Variants in WDR72 observed in about 807,000 individuals in gnomAD.
WDR72 encodes WD repeat domain 72.
In WDR72, 120 loss-of-function variants were observed where a neutral mutation model predicts 124.2. The observed-to-expected ratio is 0.97, with a 90% CI of 0.83 to 1.12. The LOEUF (loss-of-function observed/expected upper bound fraction) is 1.12, where lower values mean the gene tolerates loss of function less well. Among genes scored for constraint, WDR72 ranks in the 50% most tolerant of loss-of-function variants. The pLI is 0.00. For missense variants in WDR72, 1,387 were observed against 1,278.8 expected (o/e 1.08, Z -1.29); for synonymous variants, 452 against 441.7 (o/e 1.02, Z -0.29).
chr15:53,560,210 T>A (rs540490985), intron 18 of WDR72, among the ~76,000 whole-genome samples: 2 of 151,914 alleles, frequency 1.3e-5, no homozygotes, highest in Admixed American at 1.3e-4. Flanking sequence ...TCAAGGTCTT[T>A]CATGGTGCTC....
At position 53,703,173 on chromosome 15, in the gene WDR72, C is replaced by T. The variant is rs552635480; in HGVS notation, c.1349-819G>A. Among the ~76,000 whole-genome samples, 3 of 152,296 alleles carry T rather than the reference C, an allele frequency of 2.0e-5. No homozygotes were observed. The East Asian group carries it at 5.8e-4, about 30-fold the overall frequency. On this transcript the variant is annotated intron_variant, in intron 11 of 19. Coordinates refer to ENST00000360509, the MANE Select transcript of WDR72 (RefSeq NM_182758.4). The stretch of plus-strand genomic sequence containing the variant: ...AAGGGATCCACTTGCCTCAGCCTTC[C>T]AAAGTGCTGGGATTACAGGCGGTAG...
At chr15:53,665,207 T>C (rs181424739) in intron 14 of WDR72, among the ~76,000 whole-genome samples, 2 of 148,290 alleles carry the variant, frequency 1.3e-5, no homozygotes, top group East Asian at 4.5e-4. Flanking sequence ...GATTTTTTTT[T>C]TGTTTATTTT....
intron 18 of WDR72, among the ~76,000 whole-genome samples, chr15:53,526,257 G>A (rs1015540435): frequency 2.0e-5 from 3 of 151,994 alleles, no homozygotes; most frequent in African/African-American, 7.2e-5. Flanking sequence ...AGAGGGACAT[G>A]GTTTTTAGTA....
upstream of WDR72, chr15:53,759,731 C>CCCGCCTCGCCCCGCCCCGA (rs2019021722): frequency 6.6e-6 from 1 of 151,288 alleles, no homozygotes; most frequent in African/African-American, 2.4e-5. Context: ...CCCCGCCCCG[C>CCCGCCTCGCCCCGCCCCGA]CCCGCCCCGG....
At chr15:53,729,234 C>T (rs1430057921) in intron 2 of WDR72, among the ~76,000 whole-genome samples, 1 of 152,100 alleles carries the variant, frequency 6.6e-6, no homozygotes, top group Non-Finnish European at 1.5e-5. Context: ...TCTTCATCCT[C>T]ACTGCCATTC....
At chr15:53,694,381 G>A (rs774743653) in intron 13 of WDR72, among the ~76,000 whole-genome samples, 1 of 152,074 alleles carries the variant, frequency 6.6e-6, no homozygotes, top group Non-Finnish European at 1.5e-5. Flanking sequence ...TGCCAGCCAC[G>A]AACAGCCTCC....
At chr15:53,758,771 G>GGGC (rs1555432027) in intron 1 of WDR72, among the ~76,000 whole-genome samples, 1 of 55,926 alleles carries the variant, frequency 1.8e-5, no homozygotes, top group East Asian at 1.2e-3. Flanking sequence ...AAAACTGCGG[G>GGGC]GGGGGGGGGG....
At chr15:53,616,588 T>G (rs563086650) in intron 14 of WDR72, among the ~76,000 whole-genome samples, 1 of 152,048 alleles carries the variant, frequency 6.6e-6, no homozygotes, top group Admixed American at 6.6e-5. Flanking sequence ...ACAAGGTAGG[T>G]TTGAAAACTG....
intron 18 of WDR72, among the ~76,000 whole-genome samples, chr15:53,592,916 G>C (rs2012578476): frequency 6.6e-6 from 1 of 152,114 alleles, no homozygotes; most frequent in African/African-American, 2.4e-5. Context: ...AGATAGCAAA[G>C]TAATCATTAT....
chr15:53,628,847 G>A (rs771697573), intron 14 of WDR72, among the ~76,000 whole-genome samples: 7 of 151,588 alleles, frequency 4.6e-5, no homozygotes, highest in Non-Finnish European at 1.0e-4. Context: ...GTTTAGCTAA[G>A]CTCAAAAACA....
intron 18 of WDR72, among the ~76,000 whole-genome samples, chr15:53,549,125 T>C (rs1223384127): frequency 1.3e-5 from 2 of 152,218 alleles, no homozygotes; most frequent in Non-Finnish European, 2.9e-5. Flanking sequence ...ATAGGCATAT[T>C]TGGGGGACCC....
Position 53,674,442 on chromosome 15 carries a change from AT to A in WDR72, c.1766-8675del, listed in dbSNP as rs561281378. On this transcript the variant is annotated intron_variant, in intron 13 of 19. Transcript: ENST00000360509. Reference sequence around the variant, plus strand: ...GAGATCGACCTAGCACCCCCTTTCTATTAAAACCATTTCACAGTTACTGCAT... The same window carrying A: ...GAGATCGACCTAGCACCCCCTTTCTATAAAACCATTTCACAGTTACTGCAT... Among the ~76,000 whole-genome samples, 16 of 152,288 alleles carry A rather than the reference AT, an allele frequency of 1.1e-4. No homozygotes were observed. The South Asian group carries it at 3.1e-3, about 30-fold the overall frequency.
intron 18 of WDR72, among the ~76,000 whole-genome samples, chr15:53,583,959 T>C (rs2012067152): frequency 7.3e-6 from 1 of 137,492 alleles, no homozygotes; most frequent in Non-Finnish European, 1.7e-5. Context: ...ATCAAATTTT[T>C]TTAAATGACA....
intron 18 of WDR72, among the ~76,000 whole-genome samples, chr15:53,551,328 G>T (rs1452787190): frequency 6.6e-6 from 1 of 152,082 alleles, no homozygotes; most frequent in Non-Finnish European, 1.5e-5. Context: ...AGAAGATGTT[G>T]AAATAATTCA....
intron 1 of WDR72, among the ~76,000 whole-genome samples, chr15:53,754,626 C>T (rs2018854195): frequency 6.6e-6 from 1 of 152,046 alleles, no homozygotes; most frequent in Admixed American, 6.6e-5. Flanking sequence ...CCTGAGAGGC[C>T]TGGAATCGAT....
chr15:53,757,820 T>G (rs995676049), intron 1 of WDR72, among the ~76,000 whole-genome samples: 2 of 152,168 alleles, frequency 1.3e-5, no homozygotes, highest in Non-Finnish European at 2.9e-5. Context: ...TACCATTATT[T>G]TCAAGGTTCC....
intron 13 of WDR72, among the ~76,000 whole-genome samples, chr15:53,675,341 C>CAAA (rs58306742): frequency 7.9e-6 from 1 of 126,476 alleles, no homozygotes; most frequent in Non-Finnish European, 1.8e-5. Context: ...GACTCTGTCT[C>CAAA]AAAAAAAAAA....
rs1280494177 is a variant in WDR72, at chr15:53,533,229, TTTA to T, written c.3149-9910_3149-9908del. On this transcript the variant is annotated intron_variant, in intron 18 of 19. Transcript: ENST00000360509. Reference sequence around the variant, plus strand: ...TGGGAGGAAGTAATGGGGAGGACAGTTTATTTATATAAGAGTATCTCAAGAAGA... The same window carrying T: ...TGGGAGGAAGTAATGGGGAGGACAGTTTTATATAAGAGTATCTCAAGAAGA... Among the ~76,000 whole-genome samples, 7 of 152,056 alleles carry T rather than the reference TTTA, an allele frequency of 4.6e-5. No individual in the cohort carries two copies. In the East Asian group the frequency reaches 1.4e-3, roughly 30 times the overall value.
In WDR72 at chr15:53,750,750, C is replaced by T. The variant is rs180849350; in HGVS notation, c.-13+8883G>A. On this transcript the variant is annotated intron_variant, in intron 1 of 19. Transcript: ENST00000360509. ...TTGAGAAGAAGTTGATTCCAACCCTCATAGATGACTTGGAGAGATTCAAAA... is the reference window on the plus strand; with the variant it reads ...TTGAGAAGAAGTTGATTCCAACCCTTATAGATGACTTGGAGAGATTCAAAA... Among the ~76,000 whole-genome samples, 429 of 152,254 alleles carry T rather than the reference C, an allele frequency of 2.8e-3. 5 individuals carry two copies. Among genetic ancestry groups the T allele is most frequent in the Non-Finnish European group, 1.6e-3 (110 of 68,010 alleles).
Sources: allele counts gnomAD v4.1 joint callset (sites outside exome capture counted in the v4.1 genomes callset), GRCh38; gene constraint gnomAD v4.1.1; transcripts MANE v1.5; gene names NCBI Gene and HGNC (gene_info 2026-07-23, HGNC 2026-07-21).